The following LRRTM4 variants were observed in gnomAD, a reference collection of about 807,000 sequenced individuals.
LRRTM4 encodes leucine rich repeat transmembrane neuronal 4, also known as leucine-rich repeat transmembrane neuronal protein 4.
Under a neutral mutation model 47.6 loss-of-function variants are expected in LRRTM4, and 25 were observed. The observed-to-expected ratio is 0.53, with a 90% CI of 0.38 to 0.73. The LOEUF is 0.73. Among genes scored for constraint, LRRTM4 ranks in the 30% least tolerant of loss-of-function variants. The pLI, the probability that LRRTM4 is intolerant of heterozygous loss-of-function variation, is 0.00. For synonymous variants in LRRTM4, 311 were observed against 269.5 expected (o/e 1.15, Z -1.51); for missense variants, 638 against 713.4 (o/e 0.89, Z 1.20).
At chr2:76,836,667 G>T (rs572326573) in intron 3 of LRRTM4, among the ~76,000 whole-genome samples, 1 of 151,892 alleles carries the variant, frequency 6.6e-6, no homozygotes, top group Non-Finnish European at 1.5e-5. Flanking sequence ...GATCTATGAG[G>T]GAATAAAGGT....
At chr2:77,496,760 G>T (rs1678379574) in intron 3 of LRRTM4, among the ~76,000 whole-genome samples, 1 of 151,628 alleles carries the variant, frequency 6.6e-6, no homozygotes, top group Non-Finnish European at 1.5e-5. Context: ...CTTGTATTTT[G>T]TCTGCTTTTG....
At chr2:77,044,883 A>ATG (rs1218982541) in intron 3 of LRRTM4, among the ~76,000 whole-genome samples, 1 of 151,696 alleles carries the variant, frequency 6.6e-6, no homozygotes, top group African/African-American at 2.4e-5. Context: ...AAATGTATAC[A>ATG]TATACATATA....
At chr2:77,184,756 G>A (rs189881109) in intron 3 of LRRTM4, among the ~76,000 whole-genome samples, 80 of 152,138 alleles carry the variant, frequency 5.3e-4, no homozygotes, top group African/African-American at 1.9e-3. Context: ...ATATAAAAGT[G>A]GAAAGTTATT....
intron 3 of LRRTM4, among the ~76,000 whole-genome samples, chr2:77,304,584 A>T (rs1025694237): frequency 1.3e-5 from 2 of 152,130 alleles, no homozygotes; most frequent in Admixed American, 1.3e-4. Flanking sequence ...AGTCAAACAG[A>T]AAGCAAGAGG....
chr2:77,158,666 T>G (rs1054181348), intron 3 of LRRTM4, among the ~76,000 whole-genome samples: 2 of 152,176 alleles, frequency 1.3e-5, no homozygotes, highest in African/African-American at 4.8e-5. Context: ...ATTTATATTT[T>G]GTTGTTTTAC....
intron 3 of LRRTM4, among the ~76,000 whole-genome samples, chr2:76,868,375 G>T (rs779859848): frequency 2.6e-5 from 4 of 152,070 alleles, no homozygotes; most frequent in Non-Finnish European, 5.9e-5. Flanking sequence ...ATAAGTTACG[G>T]TGGGTTTTCA....
intron 3 of LRRTM4, among the ~76,000 whole-genome samples, chr2:77,152,759 C>T (rs530756269): frequency 6.6e-6 from 1 of 152,220 alleles, no homozygotes; most frequent in African/African-American, 2.4e-5. Context: ...ACAATAGGTG[C>T]TAAGTATTCA....
intron 3 of LRRTM4, among the ~76,000 whole-genome samples, chr2:77,184,593 C>G (rs992201871): frequency 1.3e-5 from 2 of 152,080 alleles, no homozygotes; most frequent in African/African-American, 2.4e-5. Flanking sequence ...CTACATAAAG[C>G]CTTTCCCAAA....
chr2:77,498,694 C>T (rs1678456114), intron 3 of LRRTM4, among the ~76,000 whole-genome samples: 1 of 151,750 alleles, frequency 6.6e-6, no homozygotes. Context: ...CCTAACATTG[C>T]CTCACCATAT....
intron 3 of LRRTM4, among the ~76,000 whole-genome samples, chr2:77,449,419 G>A (rs1676172905): frequency 6.6e-6 from 1 of 152,066 alleles, no homozygotes; most frequent in Non-Finnish European, 1.5e-5. Flanking sequence ...TGTACAGAGT[G>A]GATATGTGTC....
chr2:77,038,970 T>C (rs140330152), intron 3 of LRRTM4, among the ~76,000 whole-genome samples: 98 of 151,264 alleles, frequency 6.5e-4, no homozygotes, highest in South Asian at 3.9e-3. Flanking sequence ...CACACAGCAA[T>C]TGCAATACTA....
At chr2:77,425,497 C>A (rs116651965) in intron 3 of LRRTM4, among the ~76,000 whole-genome samples, 146 of 152,214 alleles carry the variant, frequency 9.6e-4, no homozygotes, top group African/African-American at 3.4e-3. Flanking sequence ...TTAGGCAATC[C>A]ATTTTCTGCC....
At chr2:77,191,429 T>C (rs1047949028) in intron 3 of LRRTM4, among the ~76,000 whole-genome samples, 1 of 152,082 alleles carries the variant, frequency 6.6e-6, no homozygotes, top group African/African-American at 2.4e-5. Context: ...AATATTTGTT[T>C]CTCAAACTTT....
chr2:76,996,834 T>C (rs78447462), intron 3 of LRRTM4, among the ~76,000 whole-genome samples: 2,423 of 152,266 alleles, frequency 0.016, 66 homozygotes, highest in African/African-American at 0.056. Context: ...AACAGAGTTA[T>C]TGGCCTGAGA....
At chr2:77,319,391 GAA>G (rs78366890) in intron 3 of LRRTM4, among the ~76,000 whole-genome samples, 1 of 133,682 alleles carries the variant, frequency 7.5e-6, no homozygotes, top group African/African-American at 2.7e-5. Flanking sequence ...CCACATCAAA[GAA>G]AAAAAAAAAA....
intron 3 of LRRTM4, among the ~76,000 whole-genome samples, chr2:76,812,482 G>C (rs1220647126): frequency 6.6e-6 from 1 of 152,070 alleles, no homozygotes; most frequent in Non-Finnish European, 1.5e-5. Flanking sequence ...GTGGCAGCTT[G>C]CTAAACTGTG....
At chr2:76,804,041 C>T (rs988383738) in intron 3 of LRRTM4, among the ~76,000 whole-genome samples, 3 of 152,104 alleles carry the variant, frequency 2.0e-5, no homozygotes, top group Admixed American at 1.3e-4. Flanking sequence ...GGGACAGCCT[C>T]TTGATAGCTT....
At chr2:77,002,943 G>A (rs907149120) in intron 3 of LRRTM4, among the ~76,000 whole-genome samples, 1 of 151,842 alleles carries the variant, frequency 6.6e-6, no homozygotes, top group Non-Finnish European at 1.5e-5. Flanking sequence ...TAGTTTTCTG[G>A]ACCACACCAA....
intron 3 of LRRTM4, among the ~76,000 whole-genome samples, chr2:76,767,018 T>G (rs1284143793): frequency 6.6e-6 from 1 of 152,044 alleles, no homozygotes; most frequent in African/African-American, 2.4e-5. Context: ...CCCTGCATCT[T>G]CACTTTATCT....
Sources: allele counts gnomAD v4.1 joint callset (sites outside exome capture counted in the v4.1 genomes callset), GRCh38; gene constraint gnomAD v4.1.1; transcripts MANE v1.5; gene names NCBI Gene and HGNC (gene_info 2026-07-23, HGNC 2026-07-21).